FABP3: variants seen among roughly 807,000 people sequenced by gnomAD.
FABP3 encodes fatty acid binding protein 3, also known as fatty acid-binding protein, heart.
A neutral mutation model predicts 13.4 loss-of-function variants in FABP3; 8 were observed. The observed-to-expected ratio is 0.60, with a 90% CI of 0.35 to 1.07. The LOEUF is 1.07. FABP3 is among the 50% of genes least tolerant of loss of function. FABP3 has a pLI of 0.02. For synonymous variants in FABP3, 64 were observed against 60.0 expected (o/e 1.07, Z -0.31); for missense variants, 135 against 164.7 (o/e 0.82, Z 0.99).
At chr1:31,361,931 C>T (rs1325899754), downstream of FABP3, among the ~76,000 whole-genome samples, 1 of 152,154 alleles carries the variant, frequency 6.6e-6, no homozygotes, top group African/African-American at 2.4e-5. Flanking sequence ...CCCACCTCAG[C>T]TTCCTGAGTA....
chr1:31,370,319 A>G (rs1640184640), intron 1 of FABP3, among the ~76,000 whole-genome samples: 1 of 152,188 alleles, frequency 6.6e-6, no homozygotes, highest in Non-Finnish European at 1.5e-5. Context: ...ACTACCTCCC[A>G]AGGCTGGAGC....
chr1:31,371,165 C>A (rs1381983231), intron 1 of FABP3, among the ~76,000 whole-genome samples: 1 of 152,192 alleles, frequency 6.6e-6, no homozygotes. Flanking sequence ...AGCCCTAGGT[C>A]TACAGCAGGA....
Position 31,369,271 on chromosome 1 carries a change from T to C in FABP3, c.246+114A>G, listed in dbSNP as rs1640162866. On this transcript the variant is annotated intron_variant, in intron 2 of 3. Transcript: ENST00000373713. ...CTTTATGAATCTTGTTTCATTTAAATTCCCCATGATAGTCTGCCCCTCAGG... is the reference window on the plus strand; with the variant it reads ...CTTTATGAATCTTGTTTCATTTAAACTCCCCATGATAGTCTGCCCCTCAGG... 4.6e-6 allele frequency: 5 copies of C among 1,089,588 alleles called. No individual in the cohort carries two copies. The South Asian group carries it at 7.7e-5, about 17-fold the overall frequency. 67.5% of individuals were successfully genotyped at this position (1,089,588 alleles called of 1,614,324 possible).
Position 31,365,918 on chromosome 1 carries a change from C to G in FABP3, c.370G>C (p.Val124Leu), listed in dbSNP as rs138959172. ...TCTTTCTCATAAGTGCGAGTGCAAA[C>G]TGCAGTGCCGTGGGTGAGTGTCTGG... ...LILTLTHGTA[V>L]CTRTYEKEA The change falls in exon 4 of 4, where the codon GTT becomes CTT. Residue 124 changes from valine (V) to leucine (L), a missense_variant. Transcript: ENST00000373713. 3.1e-6 allele frequency: 5 copies of G among 1,613,868 alleles called. No homozygotes were observed. The African/African-American group carries it at 5.3e-5, about 17-fold the overall frequency.
chr1:31,361,969 A>G (rs149643363), downstream of FABP3, among the ~76,000 whole-genome samples: 1 of 151,686 alleles, frequency 6.6e-6, no homozygotes, highest in Non-Finnish European at 1.5e-5. Flanking sequence ...GCGTAACCAC[A>G]CCCGGCCAAT....
intron 2 of FABP3, among the ~76,000 whole-genome samples, chr1:31,367,851 G>A (rs944781885): frequency 1.3e-5 from 2 of 152,206 alleles, no homozygotes; most frequent in Non-Finnish European, 2.9e-5. Context: ...CTCAGATACA[G>A]GTGGGATTTA....
chr1:31,364,057 A>G (rs1334442936), downstream of FABP3: 1 of 1,613,606 alleles, frequency 6.2e-7, no homozygotes, highest in Non-Finnish European at 8.5e-7. Flanking sequence ...AAACATAGAG[A>G]TAGGAAGTCA....
chr1:31,370,737 C>T (rs1190507012), intron 1 of FABP3, among the ~76,000 whole-genome samples: 1 of 152,136 alleles, frequency 6.6e-6, no homozygotes, highest in Non-Finnish European at 1.5e-5. Context: ...AAGTAAAGAA[C>T]AAAGAACTAA....
downstream of FABP3, among the ~76,000 whole-genome samples, chr1:31,360,740 T>C (rs1302724551): frequency 1.3e-5 from 2 of 152,296 alleles, no homozygotes; most frequent in East Asian, 3.9e-4. Context: ...AAAGTGGAAA[T>C]AGTGCCAAAC....
At position 31,373,006 on chromosome 1, in the gene FABP3, G is replaced by A. The variant is rs780840399; in HGVS notation, c.9C>T (p.Asp3=). MV[D]AFLGTWKLVD... is the part of the protein sequence containing the mutation. ...CTAGCTTCCAGGTGCCCAGGAAAGC[G>A]TCCACCATAGTGATGCTGGGCTAGG... The change falls in exon 1 of 4, where the codon GAC becomes GAT. Residue 3 remains aspartate (D), a synonymous_variant. Transcript: ENST00000373713. The A allele has an allele frequency of 2.5e-6, 4 of 1,613,994 alleles. 1 individual carries two copies. The South Asian group carries it at 4.4e-5, about 18-fold the overall frequency.
At position 31,369,525 on chromosome 1, in the gene FABP3, T is replaced by G. The variant is rs866763179; in HGVS notation, c.106A>C (p.Met36Leu). Residue 36 changes from methionine to leucine, a missense_variant, in exon 2 of 4, where the codon ATG becomes CTG. Physicochemically the swap from Met to Leu is conservative, Grantham distance 15. Transcript: ENST00000373713. ...TCGATGATTGTGGTAGGCTTGGTCA[T>G]GCTGGCCACCTGCCTGGTAGCAAAA... ...VGFATRQVAS[M>L]TKPTTIIEKN... 7 of 1,614,056 alleles carry G rather than the reference T, an allele frequency of 4.3e-6. No homozygotes were observed. The Middle Eastern group carries it at 6.6e-4, about 152-fold the overall frequency.
downstream of FABP3, chr1:31,363,892 G>A: frequency 1.5e-6 from 2 of 1,348,524 alleles, no homozygotes; most frequent in Middle Eastern, 2.6e-4. Context: ...TGAACTCCTG[G>A]CCTCAAGCAT....
At chr1:31,366,299 C>A (rs1324602007) in intron 3 of FABP3, among the ~76,000 whole-genome samples, 1 of 152,020 alleles carries the variant, frequency 6.6e-6, no homozygotes, top group Non-Finnish European at 1.5e-5. Context: ...ATATAGTTGA[C>A]AAATAGGAAA....
At chr1:31,371,472 G>A (rs1557471364) in intron 1 of FABP3, among the ~76,000 whole-genome samples, 1 of 152,222 alleles carries the variant, frequency 6.6e-6, no homozygotes, top group East Asian at 1.9e-4. Context: ...TAGAAATGAA[G>A]CCAGCACTAC....
chr1:31,372,214 T>C (rs1164951953), intron 1 of FABP3, among the ~76,000 whole-genome samples: 4 of 152,160 alleles, frequency 2.6e-5, no homozygotes, highest in Non-Finnish European at 4.4e-5. Flanking sequence ...CCAATGGCTT[T>C]CTCTGCCTAC....
chr1:31,369,007 C>T, intron 2 of FABP3: 1 of 177,212 alleles, frequency 5.6e-6, no homozygotes, highest in African/African-American at 2.3e-5. Context: ...CTTCAGGTCA[C>T]AGCCATGGCC....
intron 1 of FABP3, among the ~76,000 whole-genome samples, chr1:31,372,709 G>A (rs1320362249): frequency 6.6e-6 from 1 of 152,038 alleles, no homozygotes; most frequent in East Asian, 1.9e-4. Context: ...CCTGGAAAGA[G>A]CCTCCCACAC....
downstream of FABP3, among the ~76,000 whole-genome samples, chr1:31,363,044 T>C (rs1409130488): frequency 6.6e-6 from 1 of 152,192 alleles, no homozygotes; most frequent in Non-Finnish European, 1.5e-5. Flanking sequence ...TGCATATATA[T>C]ATAAATACAC....
intron 1 of FABP3, among the ~76,000 whole-genome samples, chr1:31,371,377 G>A (rs989436855): frequency 1.3e-5 from 2 of 152,168 alleles, no homozygotes; most frequent in African/African-American, 2.4e-5. Flanking sequence ...AAACCACTGC[G>A]GGATGAGTGA....
Sources: allele counts gnomAD v4.1 joint callset (sites outside exome capture counted in the v4.1 genomes callset), GRCh38; gene constraint gnomAD v4.1.1; transcripts MANE v1.5; gene names NCBI Gene and HGNC (gene_info 2026-07-23, HGNC 2026-07-21).